Variants in KRAS observed in about 807,000 individuals in gnomAD.
KRAS encodes GTPase KRas.
In KRAS, 1 loss-of-function variant was observed where a neutral mutation model predicts 21.0. That is an observed-to-expected ratio of 0.05 (90% CI 0.02 to 0.23). The LOEUF (loss-of-function observed/expected upper bound fraction) is 0.23. Among genes scored for constraint, KRAS ranks in the 10% least tolerant of loss-of-function variants. The pLI, the probability that KRAS is intolerant of heterozygous loss-of-function variation, is 1.00. For missense variants in KRAS, 107 were observed against 221.8 expected (o/e 0.48, Z 3.29); for synonymous variants, 67 against 72.5 (o/e 0.92, Z 0.39).
rs1951166349 is a variant in KRAS, at chr12:25,208,500, TTG to T, written c.*1293_*1294del. On this transcript the variant is annotated 3_prime_UTR_variant, in exon 5 of 5. Transcript: ENST00000311936. ...GAGATTGTAAAACTTTTTCACTTCA[TTG>T]TTTAAAAAAAAAATTAATGTCTTGG... The T allele has an allele frequency of 4.7e-5, 11 of 233,274 alleles. No homozygotes were observed. Among genetic ancestry groups the T allele is most frequent in the Non-Finnish European group, 9.3e-5 (11 of 117,870 alleles). 14.5% of individuals were successfully genotyped at this position (233,274 alleles called of 1,614,324 possible).
chr12:25,241,189 TAC>T (rs1441348247), intron 2 of KRAS, among the ~76,000 whole-genome samples: 1 of 152,190 alleles, frequency 6.6e-6, no homozygotes, highest in African/African-American at 2.4e-5. Context: ...GCCTAACTAA[TAC>T]AGACAGTAAT....
At chr12:25,235,105 C>T (rs912642095) in intron 2 of KRAS, 18 of 406,352 alleles carry the variant, frequency 4.4e-5, no homozygotes, top group African/African-American at 2.0e-4. Context: ...ATGCTCTTCT[C>T]AATATAACTA....
intron 1 of KRAS, among the ~76,000 whole-genome samples, chr12:25,248,232 G>C (rs969371738): frequency 1.3e-5 from 2 of 151,962 alleles, no homozygotes; most frequent in Non-Finnish European, 2.9e-5. Flanking sequence ...AGGCTTAGGC[G>C]GGCGGATCAC....
chr12:25,213,852 T>G (rs1951225643), intron 4 of KRAS, among the ~76,000 whole-genome samples: 1 of 152,180 alleles, frequency 6.6e-6, no homozygotes, highest in African/African-American at 2.4e-5. Context: ...AAGACAGAGT[T>G]TAATACGGGT....
intron 1 of KRAS, among the ~76,000 whole-genome samples, chr12:25,247,266 A>G (rs1951696400): frequency 6.6e-6 from 1 of 152,244 alleles, no homozygotes. Flanking sequence ...ACACAGCATC[A>G]TAATTGACTG....
intron 3 of KRAS, 30 bp downstream of exon 3, chr12:25,227,204 G>A (rs780976635): frequency 1.4e-5 from 21 of 1,522,010 alleles, no homozygotes; most frequent in Admixed American, 1.2e-4. Context: ...ACTCCTTAAT[G>A]TCAGCTTATT....
rs61643399 is a variant in KRAS, at chr12:25,226,494, AAAT to A, written c.291-724_291-722del. Among the ~76,000 whole-genome samples the A allele has an allele frequency of 3.5e-3, 527 of 152,234 alleles. 8 individuals are homozygous for A. The highest frequency in any genetic ancestry group is 0.012 in the African/African-American group (508 of 41,566). On this transcript the variant is annotated intron_variant, in intron 3 of 4. Coordinates refer to ENST00000311936, the MANE Select transcript of KRAS (RefSeq NM_004985.5). ...CTGAAATTTGGTAACTCCTCTATAA[AAAT>A]ACTACCACTACCACCCACCCAAATG...
intron 2 of KRAS, among the ~76,000 whole-genome samples, chr12:25,233,351 G>A (rs760780355): frequency 1.3e-5 from 2 of 152,072 alleles, no homozygotes; most frequent in East Asian, 3.9e-4. Context: ...AAGAGTTCAA[G>A]ACCAGCCTGG....
intron 2 of KRAS, among the ~76,000 whole-genome samples, chr12:25,229,738 T>G (rs1951441027): frequency 6.6e-6 from 1 of 151,592 alleles, no homozygotes; most frequent in South Asian, 2.1e-4. Context: ...ATTTTCTTAA[T>G]GTTCCACATG....
chr12:25,219,307 C>T (rs1453828749), intron 4 of KRAS, among the ~76,000 whole-genome samples: 1 of 149,290 alleles, frequency 6.7e-6, no homozygotes, highest in Non-Finnish European at 1.5e-5. Flanking sequence ...ACTGAAAATA[C>T]GTAGGAACAA....
rs1407094031 is a variant in KRAS, at chr12:25,206,313, C to T, written c.*3482G>A. The T allele has an allele frequency of 9.6e-6, 2 of 207,382 alleles. No homozygotes were observed. The highest frequency in any genetic ancestry group is 4.5e-5 in the African/African-American group (2 of 43,982). 12.8% of individuals were successfully genotyped at this position (207,382 alleles called of 1,614,324 possible). A position where few individuals can be genotyped will look rare whatever the true frequency, so the allele number is the denominator to read the frequency against. On this transcript the variant is annotated 3_prime_UTR_variant, in exon 5 of 5. Transcript: ENST00000311936. The stretch of plus-strand genomic sequence containing the variant: ...CCTAGAATGCCTACTTGGGAACATT[C>T]ACTCAAATGATACAATATACGTCTG...
At chr12:25,211,639 C>T (rs974043223) in intron 4 of KRAS, among the ~76,000 whole-genome samples, 1 of 151,922 alleles carries the variant, frequency 6.6e-6, no homozygotes, top group Non-Finnish European at 1.5e-5. Flanking sequence ...CTAAGATTAA[C>T]GATATTTCAA....
chr12:25,242,000 AAAATG>A (rs1951616058), intron 2 of KRAS, among the ~76,000 whole-genome samples: 1 of 152,234 alleles, frequency 6.6e-6, no homozygotes, highest in Non-Finnish European at 1.5e-5. Context: ...ATTCGTAGGT[AAAATG>A]AATTCTACAA....
chr12:25,224,845 A>G (rs1951370003), intron 4 of KRAS, among the ~76,000 whole-genome samples: 1 of 152,138 alleles, frequency 6.6e-6, no homozygotes, highest in Non-Finnish European at 1.5e-5. Flanking sequence ...TCACCTAACA[A>G]TGTATTTCTT....
rs1415101938 is a variant in KRAS at position 25,208,510 on chromosome 12, A to G, written c.*1285T>C. On this transcript the variant is annotated 3_prime_UTR_variant, in exon 5 of 5. Transcript: ENST00000311936. The stretch of plus-strand genomic sequence containing the variant: ...AACTTTTTCACTTCATTGTTTAAAA[A>G]AAAAATTAATGTCTTGGCACACCAC... 6 of 233,276 alleles carry G rather than the reference A, an allele frequency of 2.6e-5. No individual in the cohort carries two copies. Among genetic ancestry groups the G allele is most frequent in the Non-Finnish European group, 5.1e-5 (6 of 117,904 alleles). 14.5% of individuals were successfully genotyped at this position (233,276 alleles called of 1,614,324 possible).
rs1448242938 is a variant in KRAS at position 25,224,561 on chromosome 12, TAA to T, written c.450+1051_450+1052del. Reference sequence around the variant, plus strand: ...CAAAAGTCAAAATGTTAGGAAAAATTAAAAAGTTTAAAAAGTTACAGTAAAGT... The same window carrying T: ...CAAAAGTCAAAATGTTAGGAAAAATTAAAGTTTAAAAAGTTACAGTAAAGT... On this transcript the variant is annotated intron_variant, in intron 4 of 4. Coordinates refer to ENST00000311936, the MANE Select transcript of KRAS (RefSeq NM_004985.5). Among the ~76,000 whole-genome samples the T allele has an allele frequency of 3.9e-5, 6 of 152,232 alleles. No individual in the cohort carries two copies. In the East Asian group the frequency reaches 9.6e-4, roughly 24 times the overall value.
intron 2 of KRAS, among the ~76,000 whole-genome samples, chr12:25,244,658 C>T (rs909417180): frequency 8.6e-5 from 13 of 152,006 alleles, no homozygotes; most frequent in Non-Finnish European, 1.8e-4. Context: ...AACATGATAA[C>T]AATTTAAATT....
intron 2 of KRAS, among the ~76,000 whole-genome samples, chr12:25,238,086 A>G (rs543744673): frequency 6.6e-6 from 1 of 152,184 alleles, no homozygotes; most frequent in Non-Finnish European, 1.5e-5. Flanking sequence ...ACATTCACTA[A>G]AAGTAAGGAT....
At chr12:25,221,983 A>G (rs61762420) in intron 4 of KRAS, among the ~76,000 whole-genome samples, 3,568 of 152,152 alleles carry the variant, frequency 0.023, 88 homozygotes, top group South Asian at 0.092. Context: ...ACCCGTCTCT[A>G]CTAAAAATAC....
Sources: allele counts gnomAD v4.1 joint callset (sites outside exome capture counted in the v4.1 genomes callset), GRCh38; gene constraint gnomAD v4.1.1; transcripts MANE v1.5; gene names NCBI Gene and HGNC (gene_info 2026-07-23, HGNC 2026-07-21).